The following SDK1 variants were observed in gnomAD, a reference collection of about 807,000 sequenced individuals.
SDK1 encodes the protein sidekick cell adhesion molecule 1.
Under a neutral mutation model 245.5 loss-of-function variants are expected in SDK1, and 157 were observed. The observed-to-expected ratio is 0.64, with a 90% confidence interval of 0.56 to 0.73. The LOEUF (loss-of-function observed/expected upper bound fraction) is 0.73, where lower values mean the gene tolerates loss of function less well. SDK1 is among the 30% of genes least tolerant of loss of function. The pLI is 0.00. For missense variants in SDK1, 3,583 were observed against 3,002.3 expected, an observed-to-expected ratio of 1.19 and a Z score of -4.52; for synonymous variants, 1,647 against 1,278.5, an observed-to-expected ratio of 1.29 and a Z score of -6.15.
intron 43 of SDK1, among the ~76,000 whole-genome samples, chr7:4,242,328 C>G (rs149269330): frequency 4.6e-4 from 70 of 152,290 alleles, no homozygotes; most frequent in African/African-American, 1.6e-3. Context: ...TTTCATTGCT[C>G]TGTGTATTCC....
intron 1 of SDK1, among the ~76,000 whole-genome samples, chr7:3,482,127 G>A (rs529834220): frequency 6.0e-4 from 91 of 152,304 alleles, no homozygotes; most frequent in Admixed American, 1.4e-3. Context: ...GAATAAAATA[G>A]GGTAATACTG....
intron 1 of SDK1, among the ~76,000 whole-genome samples, chr7:3,482,854 C>T (rs539053064): frequency 1.3e-4 from 20 of 152,248 alleles, no homozygotes; most frequent in South Asian, 4.1e-4. Flanking sequence ...ATCTTGATTA[C>T]GAAATAATCT....
chr7:3,405,107 G>C (rs1779013153), intron 1 of SDK1, among the ~76,000 whole-genome samples: 1 of 151,374 alleles, frequency 6.6e-6, no homozygotes, highest in African/African-American at 2.4e-5. Context: ...TTTTTAAAGA[G>C]GATCTAGTCC....
At chr7:4,246,790 G>T (rs768870421) in intron 44 of SDK1, among the ~76,000 whole-genome samples, 10 of 152,122 alleles carry the variant, frequency 6.6e-5, no homozygotes, top group Non-Finnish European at 1.5e-5. Context: ...CTCCCTCCAG[G>T]ACCCCAGGGC....
intron 5 of SDK1, among the ~76,000 whole-genome samples, chr7:3,896,486 G>A (rs1189723799): frequency 6.6e-6 from 1 of 152,198 alleles, no homozygotes; most frequent in African/African-American, 2.4e-5. Context: ...TGCCACAGCT[G>A]CCTCTTCTGT....
At chr7:3,542,523 A>G (rs1779082955) in intron 1 of SDK1, among the ~76,000 whole-genome samples, 1 of 152,226 alleles carries the variant, frequency 6.6e-6, no homozygotes, top group Admixed American at 6.5e-5. Context: ...CAAGCATAGG[A>G]TCATGCCTGG....
chr7:3,550,180 T>C lies in SDK1; in HGVS notation c.299-68900T>C, dbSNP rs1468857089. ...TGCATATCTCAAATTTACATATGTATATCTTATACATATATAATTGAGATA... is the reference window on the plus strand; with the variant it reads ...TGCATATCTCAAATTTACATATGTACATCTTATACATATATAATTGAGATA... On this transcript the variant is annotated intron_variant, in intron 1 of 44. Transcript: ENST00000404826. Among the ~76,000 whole-genome samples, 5 of 152,324 alleles carry C rather than the reference T, an allele frequency of 3.3e-5. No individual in the cohort carries two copies. In the East Asian group the frequency reaches 7.7e-4, roughly 24 times the overall value.
At chr7:4,199,201 G>C (rs10242904) in intron 35 of SDK1, among the ~76,000 whole-genome samples, 45,532 of 152,088 alleles carry the variant, frequency 0.3, 7,623 homozygotes, top group African/African-American at 0.45. Context: ...TAATGAGTTA[G>C]GGGCTGTGGA....
intron 5 of SDK1, among the ~76,000 whole-genome samples, chr7:3,832,289 G>A (rs1371914336): frequency 6.6e-6 from 1 of 152,130 alleles, no homozygotes; most frequent in Non-Finnish European, 1.5e-5. Flanking sequence ...TCGCAGAACT[G>A]TTTTTGATTT....
intron 4 of SDK1, among the ~76,000 whole-genome samples, chr7:3,648,758 A>G (rs546163650): frequency 3.7e-4 from 56 of 152,336 alleles, no homozygotes; most frequent in South Asian, 1.9e-3. Flanking sequence ...GTGAATGTTT[A>G]TAGAGTATAT....
intron 4 of SDK1, among the ~76,000 whole-genome samples, chr7:3,737,181 G>A (rs1051001097): frequency 3.2e-4 from 49 of 152,208 alleles, no homozygotes; most frequent in African/African-American, 4.8e-5. Context: ...TCGGGTGGGG[G>A]AACCCTGACA....
chr7:3,666,836 A>G (rs765117166), intron 4 of SDK1, among the ~76,000 whole-genome samples: 1 of 152,202 alleles, frequency 6.6e-6, no homozygotes, highest in Non-Finnish European at 1.5e-5. Context: ...CAGGTCTTGC[A>G]GGGTGGAAAC....
chr7:3,733,101 A>G (rs913356402), intron 4 of SDK1, among the ~76,000 whole-genome samples: 2 of 152,250 alleles, frequency 1.3e-5, no homozygotes, highest in African/African-American at 4.8e-5. Context: ...TAGTTCAGTG[A>G]TGAGCTTAAA....
At chr7:4,214,116 T>C (rs1784657637) in intron 38 of SDK1, among the ~76,000 whole-genome samples, 1 of 152,098 alleles carries the variant, frequency 6.6e-6, no homozygotes, top group African/African-American at 2.4e-5. Context: ...GCCCAAGGCC[T>C]GCGTTTTGAA....
rs1361513466 is a variant in SDK1, at chr7:3,654,183, C to T, written c.713+12078C>T. Among the ~76,000 whole-genome samples, 3 of 152,166 alleles carry T rather than the reference C, an allele frequency of 2.0e-5. 1 individual carries two copies. Among genetic ancestry groups the T allele is most frequent in the South Asian group, 4.1e-4 (2 of 4,822 alleles). On this transcript the variant is annotated intron_variant, in intron 4 of 44. Transcript: ENST00000404826. ...CTTCTGTAAATGTCACACTGCTCCTCCAAATGCTGGTTTGTAAAATCTAGA... is the reference window on the plus strand; with the variant it reads ...CTTCTGTAAATGTCACACTGCTCCTTCAAATGCTGGTTTGTAAAATCTAGA...
At chr7:3,683,620 A>G (rs774295352) in intron 4 of SDK1, among the ~76,000 whole-genome samples, 2 of 152,194 alleles carry the variant, frequency 1.3e-5, no homozygotes, top group Non-Finnish European at 2.9e-5. Flanking sequence ...TCCACCTCAC[A>G]GCTAACATTC....
chr7:4,261,281 G>A (rs972789929), intron 44 of SDK1, among the ~76,000 whole-genome samples: 6 of 152,138 alleles, frequency 3.9e-5, no homozygotes, highest in Non-Finnish European at 8.8e-5. Flanking sequence ...TCAGATGAGG[G>A]AGCAGCTGGC....
intron 1 of SDK1, among the ~76,000 whole-genome samples, chr7:3,507,099 C>T (rs561681888): frequency 9.2e-5 from 14 of 152,226 alleles, no homozygotes; most frequent in East Asian, 5.8e-4. Context: ...GCCCTAATCC[C>T]GGTACCTGGT....
intron 1 of SDK1, among the ~76,000 whole-genome samples, chr7:3,423,044 A>G (rs1779575942): frequency 2.0e-5 from 3 of 152,200 alleles, no homozygotes; most frequent in Non-Finnish European, 4.4e-5. Flanking sequence ...TGTCCTTTTA[A>G]AATATTTCCT....
Sources: allele counts gnomAD v4.1 joint callset (sites outside exome capture counted in the v4.1 genomes callset), GRCh38; gene constraint gnomAD v4.1.1; transcripts MANE v1.5; gene names NCBI Gene and HGNC (gene_info 2026-07-23, HGNC 2026-07-21).